Variants in DYM observed in about 807,000 individuals in gnomAD.
DYM encodes the protein dyggve-Melchior-Clausen syndrome protein.
In DYM, 78 loss-of-function variants were observed where a neutral mutation model predicts 93.1. The observed-to-expected ratio is 0.84, with a 90% CI of 0.70 to 1.01. The LOEUF is 1.01. DYM is among the 50% of genes least tolerant of loss of function. The pLI, the probability that DYM is intolerant of heterozygous loss-of-function variation, is 0.00. For synonymous variants in DYM, 321 were observed against 319.7 expected, an observed-to-expected ratio of 1.00 and a Z score of -0.04; for missense variants, 789 against 845.0, an observed-to-expected ratio of 0.93 and a Z score of 0.82.
chr18:49,146,296 G>A (rs888153768), intron 15 of DYM, among the ~76,000 whole-genome samples: 3 of 152,220 alleles, frequency 2.0e-5, no homozygotes, highest in African/African-American at 7.2e-5. Flanking sequence ...AGACAGGGAT[G>A]CCTTCTCTCA....
At chr18:49,065,481 C>A (rs905910797) in intron 17 of DYM, among the ~76,000 whole-genome samples, 1 of 152,116 alleles carries the variant, frequency 6.6e-6, no homozygotes, top group African/African-American at 2.4e-5. Context: ...TCCTGCCTCA[C>A]CCTCCCGAGT....
chr18:49,084,457 TGTTA>T (rs977254934), intron 17 of DYM, among the ~76,000 whole-genome samples: 4 of 152,174 alleles, frequency 2.6e-5, no homozygotes, highest in African/African-American at 9.7e-5. Context: ...GCTCTATAGA[TGTTA>T]GTTAGATCAT....
chr18:49,174,416 A>C (rs2089146660), intron 14 of DYM, among the ~76,000 whole-genome samples: 1 of 152,182 alleles, frequency 6.6e-6, no homozygotes, highest in Non-Finnish European at 1.5e-5. Flanking sequence ...TATACTATTC[A>C]TAAATGGAAG....
At chr18:49,403,793 A>C (rs948814616) in intron 2 of DYM, among the ~76,000 whole-genome samples, 10 of 151,404 alleles carry the variant, frequency 6.6e-5, no homozygotes, top group African/African-American at 2.4e-4. Context: ...TATATACATA[A>C]GTAATCAATG....
At chr18:49,425,416 T>C (rs546904714) in intron 2 of DYM, among the ~76,000 whole-genome samples, 11 of 152,308 alleles carry the variant, frequency 7.2e-5, no homozygotes, top group African/African-American at 1.9e-4. Context: ...AAGACTGACA[T>C]GTTAGACCTA....
intron 17 of DYM, among the ~76,000 whole-genome samples, chr18:49,084,792 A>C (rs926115403): frequency 6.6e-6 from 1 of 152,234 alleles, no homozygotes; most frequent in Non-Finnish European, 1.5e-5. Context: ...AGAAAGTTGC[A>C]AAGGAAAATA....
At chr18:49,456,819 A>G (rs1343850585) in intron 1 of DYM, among the ~76,000 whole-genome samples, 1 of 152,216 alleles carries the variant, frequency 6.6e-6, no homozygotes, top group East Asian at 1.9e-4. Context: ...AAACCTTACT[A>G]GAAAAAAAAA....
chr18:49,420,649 C>T lies in DYM; in HGVS notation c.140+9606G>A, dbSNP rs139176115. Among the ~76,000 whole-genome samples the T allele has an allele frequency of 8.9e-4, 135 of 152,278 alleles. 1 individual carries two copies. Among genetic ancestry groups the T allele is most frequent in the Non-Finnish European group, 1.0e-3 (71 of 68,034 alleles). On this transcript the variant is annotated intron_variant, in intron 2 of 17. Coordinates refer to ENST00000675505, the MANE Select transcript of DYM (RefSeq NM_001353214.3). The stretch of plus-strand genomic sequence containing the variant: ...CAACTGAGGTACCTGGTTCATCTCA[C>T]TGGGGCTTGTCAGACAGTGGGTGCA...
intron 17 of DYM, among the ~76,000 whole-genome samples, chr18:49,069,507 A>G (rs1355122922): frequency 6.6e-6 from 1 of 152,214 alleles, no homozygotes. Flanking sequence ...GTATATTTTC[A>G]TGAGTAGCAT....
At chr18:49,320,091 T>G (rs2062348036) in intron 8 of DYM, among the ~76,000 whole-genome samples, 1 of 152,198 alleles carries the variant, frequency 6.6e-6, no homozygotes, top group African/African-American at 2.4e-5. Context: ...CTTTCCCAAG[T>G]ATAGAGCTTA....
intron 15 of DYM, among the ~76,000 whole-genome samples, chr18:49,158,502 T>C (rs901956485): frequency 3.3e-5 from 5 of 152,214 alleles, no homozygotes; most frequent in African/African-American, 9.6e-5. Context: ...TTCTTGGATA[T>C]GACAGCATAC....
intron 2 of DYM, among the ~76,000 whole-genome samples, chr18:49,401,506 G>A (rs2070819926): frequency 6.6e-6 from 1 of 152,144 alleles, no homozygotes; most frequent in Admixed American, 6.5e-5. Flanking sequence ...GGTAATTGGG[G>A]CATCCTCATC....
intron 2 of DYM, among the ~76,000 whole-genome samples, chr18:49,417,304 G>A (rs748676149): frequency 2.0e-5 from 3 of 151,934 alleles, no homozygotes; most frequent in Non-Finnish European, 2.9e-5. Flanking sequence ...ATAAGCCACC[G>A]AGCTCAGCTA....
intron 13 of DYM, among the ~76,000 whole-genome samples, chr18:49,240,750 A>C (rs1448618348): frequency 6.6e-6 from 1 of 152,152 alleles, no homozygotes; most frequent in African/African-American, 2.4e-5. Context: ...AGTTCAGCTC[A>C]CAACTCTATC....
At chr18:49,289,470 G>C (rs1460519548) in intron 8 of DYM, among the ~76,000 whole-genome samples, 2 of 146,158 alleles carry the variant, frequency 1.4e-5, no homozygotes. Context: ...AGGAGGCTGA[G>C]GCAGGAGGAC....
At chr18:49,390,974 A>G (rs1213775746) in intron 3 of DYM, among the ~76,000 whole-genome samples, 1 of 152,230 alleles carries the variant, frequency 6.6e-6, no homozygotes, top group African/African-American at 2.4e-5. Flanking sequence ...TGAACTTGAA[A>G]GTTAAGCATT....
intron 5 of DYM, among the ~76,000 whole-genome samples, chr18:49,369,552 G>A (rs1461971966): frequency 1.3e-5 from 2 of 152,134 alleles, no homozygotes; most frequent in East Asian, 1.9e-4. Flanking sequence ...ACAGATCAGT[G>A]AAGCTCATCA....
chr18:49,196,617 T>C (rs1202718883), intron 14 of DYM, among the ~76,000 whole-genome samples: 1 of 151,350 alleles, frequency 6.6e-6, no homozygotes, highest in African/African-American at 2.4e-5. Flanking sequence ...AAGTGAAAAA[T>C]GTAAGAAAAT....
chr18:49,275,490 A>C (rs994202627), intron 10 of DYM, among the ~76,000 whole-genome samples: 9 of 152,102 alleles, frequency 5.9e-5, no homozygotes, highest in African/African-American at 2.2e-4. Flanking sequence ...TCATCTTGTC[A>C]ATCTCTATAA....
Sources: allele counts gnomAD v4.1 joint callset (sites outside exome capture counted in the v4.1 genomes callset), GRCh38; gene constraint gnomAD v4.1.1; transcripts MANE v1.5; gene names NCBI Gene and HGNC (gene_info 2026-07-23, HGNC 2026-07-21).